The following IKBKB variants were observed in gnomAD, a reference collection of about 807,000 sequenced individuals.
IKBKB encodes inhibitor of nuclear factor kappa B kinase subunit beta, also known as inhibitor of nuclear factor kappa-B kinase subunit beta.
In IKBKB, 42 loss-of-function variants were observed where a neutral mutation model predicts 113.6. The observed-to-expected ratio is 0.37, with a 90% CI of 0.29 to 0.48. The LOEUF (loss-of-function observed/expected upper bound fraction) is 0.48. Among genes scored for constraint, IKBKB ranks in the 20% least tolerant of loss-of-function variants. The pLI, the probability that IKBKB is intolerant of heterozygous loss-of-function variation, is 0.99. For missense variants in IKBKB, 673 were observed against 939.7 expected (o/e 0.72, Z 3.71); for synonymous variants, 296 against 361.3 (o/e 0.82, Z 2.05).
Position 42,314,376 on chromosome 8 carries a change from G to A in IKBKB, c.747G>A (p.Leu249=). 1 of 1,614,078 alleles carries A rather than the reference G, an allele frequency of 6.2e-7. No individual in the cohort carries two copies. Among genetic ancestry groups the A allele is most frequent in the Non-Finnish European group, 8.5e-7 (1 of 1,179,886 alleles). The change falls in exon 9 of 22, where the codon TTG becomes TTA. Residue 249 remains leucine (L), a synonymous_variant. Coordinates refer to ENST00000520810, the MANE Select transcript of IKBKB (RefSeq NM_001556.3). The stretch of plus-strand genomic sequence containing the variant: ...TGGACATTGTTGTTAGCGAAGACTT[G>A]AATGGAACGGTGAAGTTTTCAAGCT... ...SEVDIVVSED[L]NGTVKFSSSL... is the part of the protein sequence containing the mutation.
At chr8:42,293,712 T>C in intron 5 of IKBKB, 200 bp downstream of exon 5, 1 of 725,992 alleles carries the variant, frequency 1.4e-6, no homozygotes, top group Non-Finnish European at 2.2e-6. Context: ...CTCAAATAGG[T>C]TTCCCTTCCT....
At chr8:42,326,136 G>T (rs115446302) in intron 20 of IKBKB, 39 bp downstream of exon 20, 8 of 1,612,014 alleles carry the variant, frequency 5.0e-6, no homozygotes, top group Non-Finnish European at 5.1e-6. Context: ...GACCATCAAG[G>T]GCACGTCAGG....
At chr8:42,277,554 G>A (rs1451339481) in intron 2 of IKBKB, among the ~76,000 whole-genome samples, 1 of 152,170 alleles carries the variant, frequency 6.6e-6, no homozygotes. Context: ...CACACAGTCT[G>A]TCTGCACCTG....
At chr8:42,271,495 C>T (rs1261053078) in intron 1 of IKBKB, 26 bp downstream of exon 1, 2 of 854,934 alleles carry the variant, frequency 2.3e-6, no homozygotes, top group Non-Finnish European at 1.8e-6. Context: ...GGGTGCGGCC[C>T]GGGTGCCACC....
chr8:42,303,880 T>A (rs1815947672), intron 5 of IKBKB, among the ~76,000 whole-genome samples: 1 of 152,248 alleles, frequency 6.6e-6, no homozygotes, highest in African/African-American at 2.4e-5. Context: ...TACTCTTTGG[T>A]GTATGTGTTG....
intron 5 of IKBKB, among the ~76,000 whole-genome samples, chr8:42,303,465 C>T (rs1815849139): frequency 6.6e-6 from 1 of 151,952 alleles, no homozygotes; most frequent in Admixed American, 6.6e-5. Flanking sequence ...TTCTTCTGTG[C>T]TTTCTCACCA....
rs1231033708 is a variant in IKBKB at position 42,319,251 on chromosome 8, T to C, written c.1365-19T>C. 1 of 1,613,252 alleles carries C rather than the reference T, an allele frequency of 6.2e-7. No homozygotes were observed. The highest frequency in any genetic ancestry group is 8.5e-7 in the Non-Finnish European group (1 of 1,179,302). On this transcript the variant is annotated intron_variant, in intron 13 of 21. Coordinates refer to ENST00000520810, the MANE Select transcript of IKBKB (RefSeq NM_001556.3). ...GGATCCCAGAGATGCTCCAAGACTGTTCCTTGTGGTCCCTGCAGGATGAAT... is the reference window on the plus strand; with the variant it reads ...GGATCCCAGAGATGCTCCAAGACTGCTCCTTGTGGTCCCTGCAGGATGAAT...
intron 15 of IKBKB, 148 bp downstream of exon 15, chr8:42,319,794 A>G: frequency 1.5e-6 from 1 of 668,216 alleles, no homozygotes; most frequent in Non-Finnish European, 2.5e-6. Flanking sequence ...ACCAGCTGAA[A>G]AGAGGCCAAG....
rs772463609 is a variant in IKBKB, at chr8:42,318,689, CT to C, written c.1364+23del. On this transcript the variant is annotated intron_variant, in intron 13 of 21. Transcript: ENST00000520810. ...GCGAGCCGCCATGTAGCGTGCCAGGCTTTTTTTTTAAACTTAATTTATTTAA... is the reference window on the plus strand; with the variant it reads ...GCGAGCCGCCATGTAGCGTGCCAGGCTTTTTTTTAAACTTAATTTATTTAA... 2.7e-4 allele frequency: 420 copies of C among 1,559,626 alleles called. No individual in the cohort carries two copies. The highest frequency in any genetic ancestry group is 6.0e-4 in the South Asian group (51 of 85,100).
chr8:42,321,866 G>C (rs1157745800), intron 16 of IKBKB, 30 bp from the exon 17 acceptor site: 1 of 1,558,352 alleles, frequency 6.4e-7, no homozygotes, highest in African/African-American at 1.4e-5. Context: ...TTGACCTCAA[G>C]TCTAGACAGA....
chr8:42,303,695 C>T (rs1183192007), intron 5 of IKBKB, among the ~76,000 whole-genome samples: 3 of 152,068 alleles, frequency 2.0e-5, no homozygotes, highest in East Asian at 1.9e-4. Context: ...TTAGTAGATA[C>T]AGGGTCTCAC....
At chr8:42,319,504 AT>A (rs1563358914) in intron 14 of IKBKB, 80 bp from the exon 15 acceptor site, 1 of 1,590,880 alleles carries the variant, frequency 6.3e-7, no homozygotes, top group Non-Finnish European at 8.6e-7. Flanking sequence ...TCCTATTATA[AT>A]TGAGTTGCTT....
At position 42,319,298 on chromosome 8, in the gene IKBKB, C is replaced by T. The variant is rs1449893014; in HGVS notation, c.1393C>T (p.Leu465Phe). The T allele has an allele frequency of 1.2e-6, 2 of 1,614,008 alleles. No individual in the cohort carries two copies. The highest frequency in any genetic ancestry group is 2.2e-5 in the East Asian group (1 of 44,892). The change falls in exon 14 of 22, where the codon CTC (leucine) becomes TTC (phenylalanine). Residue 465 changes from leucine (L) to phenylalanine (F), a missense_variant. Transcript: ENST00000520810. ...MMNLLRNNSC[L>F]SKMKNSMASM... Reference sequence around the variant, plus strand: ...GAATCTCCTCCGAAACAACAGCTGCCTCTCCAAAATGAAGAATTCCATGGC... The same window carrying T: ...GAATCTCCTCCGAAACAACAGCTGCTTCTCCAAAATGAAGAATTCCATGGC...
chr8:42,272,855 G>T (rs534565357), intron 2 of IKBKB, among the ~76,000 whole-genome samples: 1 of 147,876 alleles, frequency 6.8e-6, no homozygotes, highest in Admixed American at 6.8e-5. Context: ...CAGGAGAATC[G>T]CTTGAACCCA....
At chr8:42,304,105 G>C (rs1816004034) in intron 5 of IKBKB, among the ~76,000 whole-genome samples, 1 of 152,114 alleles carries the variant, frequency 6.6e-6, no homozygotes, top group Non-Finnish European at 1.5e-5. Context: ...ACTGCAACTG[G>C]ATATAGCTAA....
chr8:42,287,787 A>G lies in IKBKB; in HGVS notation c.106-847A>G, dbSNP rs17875672. ...GGCACAGTTGGAATTTGAACCAGCC[A>G]GTGTTTCATCTGCTATATTATGCCA... On this transcript the variant is annotated intron_variant, in intron 2 of 21. Transcript: ENST00000520810. 5.9e-3 allele frequency among the ~76,000 whole-genome samples: 892 copies of G among 152,318 alleles called. 8 individuals are homozygous for G. Among genetic ancestry groups the G allele is most frequent in the Admixed American group, 0.013 (193 of 15,296 alleles).
intron 7 of IKBKB, among the ~76,000 whole-genome samples, chr8:42,307,709 C>G (rs765879478): frequency 2.0e-5 from 3 of 152,168 alleles, no homozygotes; most frequent in Non-Finnish European, 4.4e-5. Flanking sequence ...TTCTGGAGTC[C>G]TCCTCAGCTC....
In IKBKB at chr8:42,321,938, A is replaced by G. The variant is rs948398090; in HGVS notation, c.1731A>G (p.Lys577=). ...ARELYRRLRE[K]PRDQRTEGDS... Reference sequence around the variant, plus strand: ...AGCTGTACAGGAGACTAAGGGAAAAACCTCGAGGTAAGTGGGGTTCTGTGT... The same window carrying G: ...AGCTGTACAGGAGACTAAGGGAAAAGCCTCGAGGTAAGTGGGGTTCTGTGT... Residue 577 remains lysine (K), a synonymous_variant, in exon 17 of 22, where the codon AAA becomes AAG. Coordinates refer to ENST00000520810, the MANE Select transcript of IKBKB (RefSeq NM_001556.3). The G allele has an allele frequency of 6.2e-7, 1 of 1,613,220 alleles. No homozygotes were observed.
rs544274602 is a variant in IKBKB, at chr8:42,320,748, A to T, written c.1592A>T (p.Lys531Ile). ...VELCGRENEV[K>I]LLVERMMALQ... ...CTTTTCCATTAGGAGAACGAAGTGA[A>T]ACTCCTGGTAGAACGGATGATGGCT... Residue 531 changes from lysine to isoleucine, a missense_variant, in exon 16 of 22, where the codon AAA becomes ATA. Physicochemically the swap from Lys to Ile is moderately radical, Grantham distance 102. This residue lies in a region of IKBKB where 506 missense variants were observed against 638.7 expected (regional missense o/e 0.79). Transcript: ENST00000520810. 1.2e-6 allele frequency: 2 copies of T among 1,613,220 alleles called. No individual in the cohort carries two copies. The highest frequency in any genetic ancestry group is 1.7e-6 in the Non-Finnish European group (2 of 1,179,414).
Sources: gnomAD v4.1 joint callset for allele counts (sites outside exome capture counted in the v4.1 genomes callset) on GRCh38, gnomAD v4.1.1 for gene constraint, gnomAD v4.1.1 regional missense constraint, MANE v1.5 for transcripts, NCBI Gene and HGNC (gene_info 2026-07-23, HGNC 2026-07-21) for gene names.